Variants in RANBP2 observed in about 807,000 individuals in gnomAD.
RANBP2 encodes E3 SUMO-protein ligase RanBP2.
In RANBP2, 57 loss-of-function variants were observed where a neutral mutation model predicts 303.6. That is an observed-to-expected ratio of 0.19 (90% CI 0.15 to 0.23). The LOEUF is 0.23. Ranked by LOEUF, RANBP2 falls within the 10% of genes least tolerant of loss-of-function variation. RANBP2 has a pLI of 1.00. For missense variants in RANBP2, 3,138 were observed against 3,780.8 expected (o/e 0.83, Z 4.46); for synonymous variants, 1,167 against 1,301.5 (o/e 0.90, Z 2.23).
intron 15 of RANBP2, among the ~76,000 whole-genome samples, chr2:108,754,376 G>C (rs1158319565): frequency 1.3e-5 from 2 of 151,366 alleles, no homozygotes; most frequent in Non-Finnish European, 2.9e-5. Context: ...GAACGCCCTT[G>C]TTTTCTTGCT....
chr2:109,204,423 T>G, the RANBP2 span, among the ~76,000 whole-genome samples: 4 of 152,268 alleles, frequency 2.6e-5, no homozygotes, highest in South Asian at 2.1e-4. Flanking sequence ...TGATTGTCCC[T>G]TAAAAATCTG....
the RANBP2 span, among the ~76,000 whole-genome samples, chr2:109,702,651 T>C: frequency 2.6e-5 from 4 of 152,348 alleles, no homozygotes; most frequent in African/African-American, 9.6e-5. Context: ...GTTCCTTCTA[T>C]TCTGACCTTA....
At chr2:109,442,503 T>C in the RANBP2 span, among the ~76,000 whole-genome samples, 1 of 152,158 alleles carries the variant, frequency 6.6e-6, no homozygotes, top group Admixed American at 6.5e-5. Context: ...TATAATTGAC[T>C]GTTTAAACAA....
the RANBP2 span, among the ~76,000 whole-genome samples, chr2:109,195,274 C>T: frequency 1.3e-5 from 2 of 152,160 alleles, no homozygotes; most frequent in East Asian, 3.9e-4. Context: ...AGGGAGCTAA[C>T]AGGAGGGTCC....
chr2:109,128,538 T>A, the RANBP2 span: 1 of 152,028 alleles, frequency 6.6e-6, no homozygotes, highest in African/African-American at 2.4e-5. Context: ...TGGAGCGCCT[T>A]CCCCTCCTGC....
At chr2:109,476,104 G>T in the RANBP2 span, among the ~76,000 whole-genome samples, 1 of 152,206 alleles carries the variant, frequency 6.6e-6, no homozygotes, top group Non-Finnish European at 1.5e-5. Flanking sequence ...CTCAGGTTAA[G>T]TGTTCTTACC....
chr2:109,387,233 T>C, the RANBP2 span, among the ~76,000 whole-genome samples: 1 of 152,222 alleles, frequency 6.6e-6, no homozygotes, highest in African/African-American at 2.4e-5. Context: ...TGTGAGAATA[T>C]TCTCATAACA....
chr2:109,037,469 C>T, the RANBP2 span, among the ~76,000 whole-genome samples: 213 of 151,660 alleles, frequency 1.4e-3, 1 homozygote, highest in African/African-American at 4.7e-3. Context: ...TGAAATAAGA[C>T]AAGAAAGAGA....
chr2:109,500,565 T>C, the RANBP2 span, among the ~76,000 whole-genome samples: 1 of 152,158 alleles, frequency 6.6e-6, no homozygotes, highest in Admixed American at 6.5e-5. Context: ...TGGGGAAAGT[T>C]GGGCCTTATT....
the RANBP2 span, among the ~76,000 whole-genome samples, chr2:109,592,196 G>GGT: frequency 6.6e-6 from 1 of 152,076 alleles, no homozygotes; most frequent in East Asian, 1.9e-4. Context: ...CGGGCGTGGT[G>GGT]GCTCACGCCT....
At chr2:108,865,206 C>T in the RANBP2 span, among the ~76,000 whole-genome samples, 1 of 152,016 alleles carries the variant, frequency 6.6e-6, no homozygotes, top group Non-Finnish European at 1.5e-5. Context: ...TGCATAATTT[C>T]TTCAATTAAA....
At chr2:109,294,499 T>A in the RANBP2 span, among the ~76,000 whole-genome samples, 1 of 149,940 alleles carries the variant, frequency 6.7e-6, no homozygotes, top group Middle Eastern at 3.4e-3. Flanking sequence ...AGGTGGAGGT[T>A]GCAGTGAGCC....
chr2:109,671,094 C>T, the RANBP2 span, among the ~76,000 whole-genome samples: 2,407 of 152,328 alleles, frequency 0.016, 68 homozygotes, highest in African/African-American at 0.054. Context: ...TGCTGTAACG[C>T]TACCACTTCC....
At chr2:109,609,342 AAT>A in the RANBP2 span, among the ~76,000 whole-genome samples, 3 of 79,212 alleles carry the variant, frequency 3.8e-5, no homozygotes. Context: ...TACAAAGAAT[AAT>A]ACAGGTTGCT....
chr2:109,544,891 T>C, the RANBP2 span: 1 of 921,380 alleles, frequency 1.1e-6, no homozygotes, highest in East Asian at 1.2e-4. Context: ...GAGCTTGCAT[T>C]GAAAGATCAT....
chr2:109,005,687 C>T, the RANBP2 span, among the ~76,000 whole-genome samples: 5 of 152,190 alleles, frequency 3.3e-5, no homozygotes, highest in Non-Finnish European at 7.3e-5. Context: ...TTACAACCAG[C>T]GTTTTGTTCC....
the RANBP2 span, chr2:108,812,717 C>T: frequency 1.2e-6 from 2 of 1,605,144 alleles, no homozygotes; most frequent in Admixed American, 1.7e-5. Flanking sequence ...AGGTAAGTTG[C>T]CTGTTCTTCT....
the RANBP2 span, among the ~76,000 whole-genome samples, chr2:109,159,525 A>G: frequency 6.6e-6 from 1 of 152,218 alleles, no homozygotes; most frequent in Non-Finnish European, 1.5e-5. Context: ...TGTTGCTCAC[A>G]GCTTATTGTC....
the RANBP2 span, among the ~76,000 whole-genome samples, chr2:109,658,616 A>G: frequency 4.6e-5 from 7 of 152,008 alleles, no homozygotes; most frequent in African/African-American, 1.7e-4. Context: ...TCCAAGAAGG[A>G]AATTAGTTAA....
Sources: gnomAD v4.1 joint callset for allele counts (sites outside exome capture counted in the v4.1 genomes callset) on GRCh38, gnomAD v4.1.1 for gene constraint, MANE v1.5 for transcripts, NCBI Gene and HGNC (gene_info 2026-07-23, HGNC 2026-07-21) for gene names.